The following CNTNAP2 variants were observed in gnomAD, a reference collection of about 807,000 sequenced individuals.
The protein encoded by CNTNAP2 is contactin associated protein 2.
Under a neutral mutation model 155.2 loss-of-function variants are expected in CNTNAP2, and 98 were observed. That is an observed-to-expected ratio of 0.63 (90% confidence interval 0.54 to 0.75). CNTNAP2 has a LOEUF of 0.75. CNTNAP2 is among the 30% of genes least tolerant of loss of function. The pLI is 0.00. For missense variants in CNTNAP2, 1,727 were observed against 1,688.1 expected, an observed-to-expected ratio of 1.02 and a Z score of -0.40; for synonymous variants, 651 against 631.2, an observed-to-expected ratio of 1.03 and a Z score of -0.47.
intron 1 of CNTNAP2, among the ~76,000 whole-genome samples, chr7:146,415,535 C>G (rs1795926427): frequency 6.6e-6 from 1 of 152,008 alleles, no homozygotes; most frequent in Non-Finnish European, 1.5e-5. Context: ...GCTTAATGAA[C>G]TCTTTGAAAA....
At chr7:146,824,855 T>C (rs1174112114) in intron 2 of CNTNAP2, among the ~76,000 whole-genome samples, 1 of 88,232 alleles carries the variant, frequency 1.1e-5, no homozygotes, top group African/African-American at 4.1e-5. Flanking sequence ...CAAAGAATTT[T>C]GGACCTGTTT....
At chr7:147,091,659 G>T (rs1308749812) in intron 4 of CNTNAP2, among the ~76,000 whole-genome samples, 1 of 150,830 alleles carries the variant, frequency 6.6e-6, no homozygotes, top group African/African-American at 2.4e-5. Flanking sequence ...AGGCTGGAGT[G>T]CAGTGGTGCG....
At chr7:147,928,474 C>CTTAT (rs918742125) in intron 14 of CNTNAP2, among the ~76,000 whole-genome samples, 3 of 151,936 alleles carry the variant, frequency 2.0e-5, no homozygotes, top group Admixed American at 6.6e-5. Flanking sequence ...TCATGAGTAG[C>CTTAT]TTATTTATTT....
At position 148,234,319 on chromosome 7, in the gene CNTNAP2, C is replaced by G. The variant is rs114587974; in HGVS notation, c.3381+4540C>G. Among the ~76,000 whole-genome samples the G allele has an allele frequency of 9.6e-3, 1,461 of 152,284 alleles. 27 individuals are homozygous for G. Among genetic ancestry groups the G allele is most frequent in the African/African-American group, 0.033 (1,387 of 41,540 alleles). On this transcript the variant is annotated intron_variant, in intron 20 of 23. Transcript: ENST00000361727. ...AAGGATGTTCACAAAATTTTAGAAGCAGATACCTCTGGCTGGTAAGAAATT... is the reference window on the plus strand; with the variant it reads ...AAGGATGTTCACAAAATTTTAGAAGGAGATACCTCTGGCTGGTAAGAAATT...
chr7:147,360,052 T>C (rs961259542), intron 9 of CNTNAP2, among the ~76,000 whole-genome samples: 6 of 152,148 alleles, frequency 3.9e-5, no homozygotes, highest in Non-Finnish European at 5.9e-5. Flanking sequence ...CACAATCGTA[T>C]ATTAAAGATA....
chr7:147,062,536 T>C (rs1317404861), intron 4 of CNTNAP2, among the ~76,000 whole-genome samples: 5 of 152,282 alleles, frequency 3.3e-5, no homozygotes, highest in African/African-American at 1.2e-4. Context: ...ATGGGTATAT[T>C]TGAGATGATT....
intron 1 of CNTNAP2, among the ~76,000 whole-genome samples, chr7:146,445,434 A>T (rs1023896066): frequency 2.6e-5 from 4 of 152,178 alleles, no homozygotes; most frequent in East Asian, 1.9e-4. Flanking sequence ...TACCTTATAT[A>T]ATAGAAACCT....
chr7:147,974,123 C>T (rs1408389161), intron 14 of CNTNAP2, among the ~76,000 whole-genome samples: 1 of 152,072 alleles, frequency 6.6e-6, no homozygotes, highest in Non-Finnish European at 1.5e-5. Context: ...AAAATTATTA[C>T]AAACACTTAA....
At chr7:146,632,660 T>C (rs549215298) in intron 1 of CNTNAP2, among the ~76,000 whole-genome samples, 1 of 152,184 alleles carries the variant, frequency 6.6e-6, no homozygotes, top group East Asian at 1.9e-4. Context: ...CAAAACCTTT[T>C]GATCTGAAAT....
At chr7:148,396,803 G>A (rs1291351170) in intron 22 of CNTNAP2, among the ~76,000 whole-genome samples, 1 of 152,172 alleles carries the variant, frequency 6.6e-6, no homozygotes, top group Non-Finnish European at 1.5e-5. Context: ...TTGTTCCTGA[G>A]AGCAACGCTG....
intron 18 of CNTNAP2, among the ~76,000 whole-genome samples, chr7:148,176,247 G>A (rs1258111252): frequency 3.1e-5 from 3 of 96,066 alleles, no homozygotes; most frequent in Non-Finnish European, 5.8e-5. Context: ...TTGAGATGGA[G>A]TTTCTCTCTT....
At chr7:148,001,373 CAG>C (rs1408237770) in intron 15 of CNTNAP2, among the ~76,000 whole-genome samples, 1 of 152,180 alleles carries the variant, frequency 6.6e-6, no homozygotes, top group Non-Finnish European at 1.5e-5. Context: ...GATTTGGTGG[CAG>C]TGACTCACCT....
chr7:148,175,214 A>G (rs1794911291), intron 18 of CNTNAP2, among the ~76,000 whole-genome samples: 1 of 152,222 alleles, frequency 6.6e-6, no homozygotes, highest in Non-Finnish European at 1.5e-5. Context: ...TGCAATAAAC[A>G]TACATGTGCA....
At chr7:146,539,710 G>C (rs573966170) in intron 1 of CNTNAP2, among the ~76,000 whole-genome samples, 3 of 152,110 alleles carry the variant, frequency 2.0e-5, no homozygotes, top group Middle Eastern at 3.4e-3. Context: ...CCAACTCCTG[G>C]TTTAAAAGGG....
chr7:147,446,301 T>A (rs1231906469), intron 10 of CNTNAP2, among the ~76,000 whole-genome samples: 1 of 152,094 alleles, frequency 6.6e-6, no homozygotes, highest in Non-Finnish European at 1.5e-5. Context: ...ATTCCACTTA[T>A]GCCATTGCTT....
intron 12 of CNTNAP2, among the ~76,000 whole-genome samples, chr7:147,629,032 A>C (rs1305930627): frequency 6.6e-6 from 1 of 152,066 alleles, no homozygotes; most frequent in African/African-American, 2.4e-5. Flanking sequence ...AGATGGCAAC[A>C]CAATAATAGT....
chr7:147,703,854 T>A (rs1263462229), intron 13 of CNTNAP2, among the ~76,000 whole-genome samples: 1 of 152,092 alleles, frequency 6.6e-6, no homozygotes, highest in Non-Finnish European at 1.5e-5. Context: ...TTCGTCTCGC[T>A]CCCCCATGCA....
rs2116521069 is a variant in CNTNAP2, at chr7:147,427,499, T to C, written c.1670+31719T>C. Among the ~76,000 whole-genome samples, 2 of 152,192 alleles carry C rather than the reference T, an allele frequency of 1.3e-5. 1 individual carries two copies. The highest frequency in any genetic ancestry group is 4.1e-4 in the South Asian group (2 of 4,822). ...ATATGTGAGAAAGTTTAACAATAGT[T>C]TGGATAAAATGTAGAAATAAAACCA... On this transcript the variant is annotated intron_variant, in intron 10 of 23. Transcript: ENST00000361727.
intron 12 of CNTNAP2, among the ~76,000 whole-genome samples, chr7:147,618,698 A>G (rs1248708389): frequency 7.9e-6 from 1 of 127,212 alleles, no homozygotes; most frequent in East Asian, 2.0e-4. Flanking sequence ...ATATATAATA[A>G]CAGCTATTAT....
Sources: allele counts gnomAD v4.1 joint callset (sites outside exome capture counted in the v4.1 genomes callset), GRCh38; gene constraint gnomAD v4.1.1; transcripts MANE v1.5; gene names NCBI Gene and HGNC (gene_info 2026-07-23, HGNC 2026-07-21).